Variants in DORIP1 observed in about 807,000 individuals in gnomAD.
DORIP1 encodes dopamine receptor interacting protein 1.
At chr14:44,904,222 G>A in the DORIP1 span, 3 of 985,146 alleles carry the variant, frequency 3.0e-6, no homozygotes, top group Non-Finnish European at 3.6e-6. Flanking sequence ...ATAAACTTCT[G>A]GAACTATTAG....
the DORIP1 span, among the ~76,000 whole-genome samples, chr14:44,899,823 A>ATTTTTTT: frequency 5.4e-4 from 72 of 134,434 alleles, 8 homozygotes; most frequent in African/African-American, 2.2e-3. Flanking sequence ...TTCATTTAGG[A>ATTTTTTT]ATTTTTTTTT....
chr14:44,897,901 A>T, the DORIP1 span, among the ~76,000 whole-genome samples: 2 of 152,144 alleles, frequency 1.3e-5, no homozygotes. Flanking sequence ...GGCGTATTTT[A>T]GGCGCTGATT....
chr14:44,903,865 T>G, the DORIP1 span: 8 of 985,086 alleles, frequency 8.1e-6, no homozygotes, highest in Non-Finnish European at 9.6e-6. Flanking sequence ...TCTGGTTAAT[T>G]TGGTTTAGTT....
At chr14:44,906,269 TTTATC>T in the DORIP1 span, 1 of 152,030 alleles carries the variant, frequency 6.6e-6, no homozygotes, top group Non-Finnish European at 1.5e-5. Flanking sequence ...ATCTTAAATG[TTTATC>T]TTATAATTAA....
the DORIP1 span, chr14:44,905,608 G>A: frequency 7.9e-7 from 1 of 1,259,348 alleles, no homozygotes; most frequent in Non-Finnish European, 1.1e-6. Context: ...CAGATGAAGG[G>A]CTTTTATTTT....
At chr14:44,905,226 T>G in the DORIP1 span, 1 of 479,552 alleles carries the variant, frequency 2.1e-6, no homozygotes, top group Non-Finnish European at 3.5e-6. Flanking sequence ...TTTTATTACA[T>G]GATCTATAGA....
the DORIP1 span, chr14:44,905,536 G>T: frequency 2.0e-6 from 3 of 1,510,670 alleles, no homozygotes; most frequent in Non-Finnish European, 2.7e-6. Flanking sequence ...TTATATTCGA[G>T]CAACAGAGAA....
chr14:44,900,443 C>T, the DORIP1 span: 1 of 1,487,776 alleles, frequency 6.7e-7, no homozygotes, highest in East Asian at 2.3e-5. Context: ...AGGATGAAGA[C>T]ACTGTTTGAA....
At chr14:44,898,443 C>G in the DORIP1 span, among the ~76,000 whole-genome samples, 1 of 152,100 alleles carries the variant, frequency 6.6e-6, no homozygotes, top group South Asian at 2.1e-4. Flanking sequence ...AAGAAAATAT[C>G]CTAGAGATTT....
At chr14:44,903,434 G>T in the DORIP1 span, 9 of 1,426,308 alleles carry the variant, frequency 6.3e-6, no homozygotes, top group African/African-American at 1.3e-4. Context: ...TTGTTACGGA[G>T]TATATCACTA....
chr14:44,903,817 G>A, the DORIP1 span: 10 of 984,324 alleles, frequency 1.0e-5, no homozygotes, highest in Admixed American at 2.5e-4. Flanking sequence ...GAAAGTGAAC[G>A]AATATATTGT....
the DORIP1 span, chr14:44,904,298 AATTAT>A: frequency 6.7e-7 from 1 of 1,497,558 alleles, no homozygotes; most frequent in African/African-American, 1.4e-5. Flanking sequence ...TATAATAGAT[AATTAT>A]AAGAAAATTA....
At chr14:44,902,819 C>T in the DORIP1 span, among the ~76,000 whole-genome samples, 7 of 151,846 alleles carry the variant, frequency 4.6e-5, no homozygotes, top group South Asian at 2.1e-4. Context: ...TTTTTTTTAA[C>T]GGATCAGGTA....
At chr14:44,897,708 G>C in the DORIP1 span, 1 of 152,454 alleles carries the variant, frequency 6.6e-6, no homozygotes, top group Admixed American at 6.6e-5. Flanking sequence ...GCGCCCAGCC[G>C]ACTCGCGGGC....
the DORIP1 span, among the ~76,000 whole-genome samples, chr14:44,898,305 A>T: frequency 7.2e-5 from 11 of 152,124 alleles, no homozygotes; most frequent in African/African-American, 2.4e-4. Flanking sequence ...TAGTTCTTCC[A>T]AACCTTCCCT....
chr14:44,898,524 C>T, the DORIP1 span, among the ~76,000 whole-genome samples: 2 of 152,176 alleles, frequency 1.3e-5, no homozygotes, highest in East Asian at 3.8e-4. Context: ...AACCTTGCTA[C>T]AAAGTTCTTT....
the DORIP1 span, chr14:44,904,273 A>G: frequency 6.9e-7 from 1 of 1,450,890 alleles, no homozygotes; most frequent in South Asian, 1.7e-5. Context: ...ATAGGTATTA[A>G]CCATTACCTA....
chr14:44,901,556 TCTTA>T, the DORIP1 span, among the ~76,000 whole-genome samples: 1 of 152,232 alleles, frequency 6.6e-6, no homozygotes, highest in Non-Finnish European at 1.5e-5. Context: ...AATATATTAC[TCTTA>T]CTTGAATTTA....
At chr14:44,904,683 G>A in the DORIP1 span, 1 of 852,786 alleles carries the variant, frequency 1.2e-6, no homozygotes, top group Non-Finnish European at 1.7e-6. Context: ...ATTTATTACA[G>A]AGAGTCAGTT....
Sources: gnomAD v4.1 joint callset for allele counts (sites outside exome capture counted in the v4.1 genomes callset) on GRCh38, gnomAD v4.1.1 for gene constraint, MANE v1.5 for transcripts, NCBI Gene and HGNC (gene_info 2026-07-23, HGNC 2026-07-21) for gene names.